ZNF678: variants seen among roughly 807,000 people sequenced by gnomAD.
ZNF678 encodes the protein zinc finger protein 678.
A neutral mutation model predicts 3.0 loss-of-function variants in ZNF678; 5 were observed. The ratio of observed to expected loss-of-function variants is 1.69; its 90% CI spans 0.88 to 3.56. The LOEUF (loss-of-function observed/expected upper bound fraction) is 3.56. Ranked by LOEUF, ZNF678 falls within the 30% of genes most tolerant of loss-of-function variation. ZNF678 has a pLI of 0.00. For synonymous variants in ZNF678, 218 were observed against 199.6 expected, an observed-to-expected ratio of 1.09 and a Z score of -0.78; for missense variants, 593 against 605.0, an observed-to-expected ratio of 0.98 and a Z score of 0.21.
chr1:227,652,652 G>T (rs1012084536), intron 3 of ZNF678, among the ~76,000 whole-genome samples: 3 of 151,940 alleles, frequency 2.0e-5, no homozygotes, highest in African/African-American at 7.2e-5. Context: ...GTTGCATACA[G>T]AAATTTTTTT....
At chr1:227,613,866 C>T (rs1425383754) in intron 1 of ZNF678, among the ~76,000 whole-genome samples, 1 of 152,154 alleles carries the variant, frequency 6.6e-6, no homozygotes. Context: ...TCTCTGGTGC[C>T]AACAAGTACT....
Position 227,657,810 on chromosome 1 carries a change from CT to C in ZNF678, c.*1983del, listed in dbSNP as rs1258288470. ...TAATTTAAAAAGTATTGGTAATTTA[CT>C]AGCAAACTAGGAATCTCAAAGATTC... is the stretch of plus-strand genomic sequence containing the variant. On this transcript the variant is annotated 3_prime_UTR_variant, in exon 4 of 4. Transcript: ENST00000343776. 4 of 151,966 alleles carry C rather than the reference CT, an allele frequency of 2.6e-5. No homozygotes were observed. Among genetic ancestry groups the C allele is most frequent in the Non-Finnish European group, 5.9e-5 (4 of 67,908 alleles). 9.4% of individuals were successfully genotyped at this position (151,966 alleles called of 1,614,324 possible). A position where few individuals can be genotyped will look rare whatever the true frequency, so the allele number is the denominator to read the frequency against.
At chr1:227,640,708 G>A (rs1334019504) in intron 1 of ZNF678, among the ~76,000 whole-genome samples, 1 of 152,172 alleles carries the variant, frequency 6.6e-6, no homozygotes, top group Non-Finnish European at 1.5e-5. Context: ...AAAAGACAAG[G>A]TGTTTAGGGT....
chr1:227,577,379 T>A (rs1657012560), intron 1 of ZNF678, among the ~76,000 whole-genome samples: 2 of 152,234 alleles, frequency 1.3e-5, no homozygotes. Context: ...TAAATTTCTT[T>A]GAAGGTCTCT....
chr1:227,616,941 C>T (rs780748058), intron 1 of ZNF678, among the ~76,000 whole-genome samples: 3 of 152,134 alleles, frequency 2.0e-5, no homozygotes, highest in Admixed American at 6.5e-5. Context: ...TGCAGCAGGT[C>T]CAGGCTGCTG....
intron 5 of ZNF678, among the ~76,000 whole-genome samples, chr1:227,674,998 C>T (rs550558688): frequency 6.6e-6 from 1 of 152,136 alleles, no homozygotes; most frequent in Admixed American, 6.5e-5. Context: ...AAGTATTTTT[C>T]TAGTCTTATT....
rs146264597 is a variant in ZNF678 at position 227,612,993 on chromosome 1, T to C, written c.-163-33551T>C. 4.7e-3 allele frequency among the ~76,000 whole-genome samples: 713 copies of C among 152,286 alleles called. 5 individuals carry two copies. The highest frequency in any genetic ancestry group is 0.01 in the Middle Eastern group (3 of 294). On this transcript the variant is annotated intron_variant, in intron 1 of 3. Transcript: ENST00000343776. ...CTGAGCAGGGTGTCCATTTTTCACC[T>C]AAGGTCACCCAAAATTGGGCACTGG...
chr1:227,577,952 A>C (rs181658510), intron 1 of ZNF678, among the ~76,000 whole-genome samples: 1 of 152,152 alleles, frequency 6.6e-6, no homozygotes, highest in East Asian at 1.9e-4. Context: ...TTCCCTCAGC[A>C]TTTGCTTGTC....
chr1:227,627,577 G>A (rs937474860), intron 1 of ZNF678, among the ~76,000 whole-genome samples: 7 of 152,146 alleles, frequency 4.6e-5, no homozygotes, highest in African/African-American at 7.2e-5. Context: ...GCTTCCTGAT[G>A]TTTGATAGGT....
At position 227,605,147 on chromosome 1, in the gene ZNF678, G is replaced by A. The variant is rs528479372; in HGVS notation, c.-163-41397G>A. Among the ~76,000 whole-genome samples the A allele has an allele frequency of 4.6e-5, 7 of 152,286 alleles. No individual in the cohort carries two copies. In the South Asian group the frequency reaches 1.0e-3, roughly 23 times the overall value. ...TGGGATTACAGGCGTGAGCCACTGC[G>A]CCTGGCCCAGTTAGCACTTTTTTAA... On this transcript the variant is annotated intron_variant, in intron 1 of 3. Transcript: ENST00000343776.
chr1:227,592,862 G>T (rs1657451929), intron 1 of ZNF678, among the ~76,000 whole-genome samples: 2 of 152,218 alleles, frequency 1.3e-5, no homozygotes, highest in Non-Finnish European at 2.9e-5. Context: ...CAGTTATTCG[G>T]CAGAGTGCCC....
At chr1:227,635,553 G>GTT (rs1471672253) in intron 1 of ZNF678, among the ~76,000 whole-genome samples, 17 of 150,622 alleles carry the variant, frequency 1.1e-4, no homozygotes, top group African/African-American at 4.2e-4. Context: ...GTGTGTGTGT[G>GTT]TGTGTGTGTG....
chr1:227,673,011 C>G (rs996049520), intron 5 of ZNF678, among the ~76,000 whole-genome samples: 3 of 152,138 alleles, frequency 2.0e-5, no homozygotes, highest in Non-Finnish European at 4.4e-5. Flanking sequence ...AACTCTTCTT[C>G]CTGCAAGGCC....
Position 227,654,880 on chromosome 1 carries a change from A to G in ZNF678, c.630A>G (p.Pro210=). Residue 210 remains proline, a synonymous_variant, in exon 4 of 4, where the codon CCA becomes CCG. Coordinates refer to ENST00000343776, the MANE Select transcript of ZNF678 (RefSeq NM_001367909.1). ...KKIHSGEKPY[P]CEECGKAFTQ... Reference sequence around the variant, plus strand: ...TTCATAGTGGAGAGAAACCATACCCATGTGAAGAATGTGGCAAAGCCTTTA... The same window carrying G: ...TTCATAGTGGAGAGAAACCATACCCGTGTGAAGAATGTGGCAAAGCCTTTA... The G allele has an allele frequency of 6.2e-7, 1 of 1,608,758 alleles. No homozygotes were observed. Among genetic ancestry groups the G allele is most frequent in the Non-Finnish European group, 8.5e-7 (1 of 1,179,050 alleles).
chr1:227,575,104 A>G (rs540996415), intron 1 of ZNF678, among the ~76,000 whole-genome samples: 23 of 152,108 alleles, frequency 1.5e-4, no homozygotes, highest in African/African-American at 5.1e-4. Flanking sequence ...TTCCATTGGT[A>G]TATGTGTTTG....
At chr1:227,647,939 A>G (rs1658997332) in intron 2 of ZNF678, among the ~76,000 whole-genome samples, 2 of 152,208 alleles carry the variant, frequency 1.3e-5, no homozygotes, top group South Asian at 4.1e-4. Context: ...GAACACCACA[A>G]ACATGTTGTA....
At chr1:227,598,863 A>G (rs1487750445) in intron 1 of ZNF678, 2 of 634,194 alleles carry the variant, frequency 3.2e-6, no homozygotes, top group African/African-American at 3.6e-5. Flanking sequence ...ATACCTACCA[A>G]ATTTATTCTT....
chr1:227,564,879 GCGCC>G (rs1239286105), intron 1 of ZNF678, among the ~76,000 whole-genome samples: 1 of 151,338 alleles, frequency 6.6e-6, no homozygotes, highest in Non-Finnish European at 1.5e-5. Context: ...TTACAGACCC[GCGCC>G]ACCACCCCCG....
In ZNF678 at chr1:227,658,348, A is replaced by T. The variant is rs1659304609; in HGVS notation, c.*2520A>T. The T allele has an allele frequency of 6.6e-6, 1 of 152,206 alleles. No individual in the cohort carries two copies. The highest frequency in any genetic ancestry group is 2.4e-5 in the African/African-American group (1 of 41,562). The allele number at this position is 152,206 out of a possible 1,614,324, so 9.4% of individuals were successfully genotyped here. On this transcript the variant is annotated 3_prime_UTR_variant, in exon 4 of 4. Transcript: ENST00000343776. Reference sequence around the variant, plus strand: ...GGGGTATAATAGATGCTCTATAATTAGCAGTAAATATTCTTGTTTAAGTCA... The same window carrying T: ...GGGGTATAATAGATGCTCTATAATTTGCAGTAAATATTCTTGTTTAAGTCA...
Sources: gnomAD v4.1 joint callset for allele counts (sites outside exome capture counted in the v4.1 genomes callset) on GRCh38, gnomAD v4.1.1 for gene constraint, MANE v1.5 for transcripts, NCBI Gene and HGNC (gene_info 2026-07-23, HGNC 2026-07-21) for gene names.